AGMO: variants seen among roughly 807,000 people sequenced by gnomAD.
The protein encoded by AGMO is alkylglycerol monooxygenase.
A neutral mutation model predicts 60.2 loss-of-function variants in AGMO; 75 were observed. The observed-to-expected ratio is 1.25, with a 90% CI of 1.03 to 1.51. The LOEUF (loss-of-function observed/expected upper bound fraction) is 1.51, where lower values mean the gene tolerates loss of function less well. AGMO is among the 40% of genes most tolerant of loss of function. AGMO has a pLI of 0.00. For synonymous variants in AGMO, 261 were observed against 177.1 expected, an observed-to-expected ratio of 1.47 and a Z score of -3.76; for missense variants, 763 against 525.5, an observed-to-expected ratio of 1.45 and a Z score of -4.42.
chr7:15,202,840 G>A (rs949998816), intron 12 of AGMO, among the ~76,000 whole-genome samples: 2 of 152,050 alleles, frequency 1.3e-5, no homozygotes, highest in African/African-American at 4.8e-5. Context: ...ATAATACTGC[G>A]CTGGGGGGAG....
At chr7:15,486,844 A>T (rs1427078747) in intron 3 of AGMO, among the ~76,000 whole-genome samples, 1 of 152,228 alleles carries the variant, frequency 6.6e-6, no homozygotes, top group African/African-American at 2.4e-5. Context: ...TTTTGCGTTA[A>T]GTAGCTTGTT....
intron 12 of AGMO, among the ~76,000 whole-genome samples, chr7:15,222,498 T>TGAAAA (rs1781952000): frequency 6.6e-6 from 1 of 152,118 alleles, no homozygotes; most frequent in African/African-American, 2.4e-5. Flanking sequence ...AACATGTTTT[T>TGAAAA]CAATGTTAGT....
chr7:15,230,031 A>C (rs1005469549), intron 12 of AGMO, among the ~76,000 whole-genome samples: 1 of 151,890 alleles, frequency 6.6e-6, no homozygotes, highest in Non-Finnish European at 1.5e-5. Context: ...ATTTACATTA[A>C]TTTCTTATTT....
chr7:15,275,023 A>AT (rs1197785629), intron 12 of AGMO, among the ~76,000 whole-genome samples: 2 of 150,118 alleles, frequency 1.3e-5, no homozygotes, highest in South Asian at 2.1e-4. Flanking sequence ...CTTTTGTACC[A>AT]TTTTTTCAGT....
Position 15,270,596 on chromosome 7 carries a change from ATTTTTTTTTTTTTTTTTTTTT to A in AGMO, c.1264-69258_1264-69238del, listed in dbSNP as rs527463907. The stretch of plus-strand genomic sequence containing the variant: ...ATTAAACAAATTTAATCTGTTGATA[ATTTTTTTTTTTTTTTTTTTTT>A]TTTTTTTTTTTTTTTTTTTTGCTGT... On this transcript the variant is annotated intron_variant, in intron 12 of 12. Coordinates refer to ENST00000342526, the MANE Select transcript of AGMO (RefSeq NM_001004320.2). Among the ~76,000 whole-genome samples, 26 of 48,068 alleles carry A rather than the reference ATTTTTTTTTTTTTTTTTTTTT, an allele frequency of 5.4e-4. No homozygotes were observed. The South Asian group carries it at 0.012, about 22-fold the overall frequency. The allele number at this position is 48,068 out of a possible 152,430, so 31.5% of individuals were successfully genotyped here.
chr7:15,306,755 A>G (rs990775891), intron 12 of AGMO, among the ~76,000 whole-genome samples: 1 of 152,046 alleles, frequency 6.6e-6, no homozygotes, highest in African/African-American at 2.4e-5. Context: ...GCTGAGGAAT[A>G]TGTCCCTAAA....
chr7:15,453,017 G>C (rs1447597685), intron 3 of AGMO, among the ~76,000 whole-genome samples: 2 of 152,074 alleles, frequency 1.3e-5, no homozygotes, highest in African/African-American at 2.4e-5. Flanking sequence ...ATTCAAAATA[G>C]GCAACTCCAC....
chr7:15,154,349 G>A, the AGMO span, among the ~76,000 whole-genome samples: 1 of 152,072 alleles, frequency 6.6e-6, no homozygotes, highest in East Asian at 1.9e-4. Context: ...TTTCTACAAG[G>A]AAAACTCCAA....
intron 12 of AGMO, among the ~76,000 whole-genome samples, chr7:15,262,136 A>G (rs995724314): frequency 1.3e-5 from 2 of 152,070 alleles, no homozygotes; most frequent in African/African-American, 4.8e-5. Flanking sequence ...TTGCCAGAGC[A>G]ATCAGACAAG....
intron 12 of AGMO, among the ~76,000 whole-genome samples, chr7:15,260,887 G>A (rs1043255368): frequency 1.3e-4 from 19 of 151,714 alleles, no homozygotes; most frequent in Admixed American, 7.9e-4. Context: ...CAAATACATG[G>A]AAATTAAATA....
rs1782436845 is a variant in AGMO at position 15,470,940 on chromosome 7, T to A, written c.410-39832A>T. Among the ~76,000 whole-genome samples, 5 of 151,956 alleles carry A rather than the reference T, an allele frequency of 3.3e-5. No homozygotes were observed. In the South Asian group the frequency reaches 1.0e-3, roughly 31 times the overall value. ...ATATATCCATCATTTTAGCCCTAAG[T>A]TGTATAGTTTTTAAAAGCATAGCCA... On this transcript the variant is annotated intron_variant, in intron 3 of 12. Transcript: ENST00000342526.
intron 12 of AGMO, among the ~76,000 whole-genome samples, chr7:15,258,766 G>A (rs1003968241): frequency 3.1e-4 from 47 of 151,946 alleles, no homozygotes; most frequent in African/African-American, 1.1e-3. Context: ...CTAGACACTC[G>A]CCAGTACCAT....
intron 12 of AGMO, among the ~76,000 whole-genome samples, chr7:15,213,443 T>TA (rs974449011): frequency 2.0e-5 from 3 of 151,766 alleles, no homozygotes; most frequent in African/African-American, 4.8e-5. Context: ...AACACAATAT[T>TA]AAAAAAATAT....
intron 12 of AGMO, among the ~76,000 whole-genome samples, chr7:15,338,456 G>C (rs1781731369): frequency 9.8e-6 from 1 of 101,710 alleles, no homozygotes; most frequent in Non-Finnish European, 1.8e-5. Context: ...TTGGCATTGT[G>C]ATGCTCTGAT....
chr7:15,304,934 A>G (rs980987789), intron 12 of AGMO, among the ~76,000 whole-genome samples: 5 of 152,198 alleles, frequency 3.3e-5, no homozygotes, highest in East Asian at 1.9e-4. Context: ...CACACTGGAT[A>G]AAAATTTTCT....
chr7:15,473,658 A>T (rs1782514720), intron 3 of AGMO, among the ~76,000 whole-genome samples: 1 of 152,102 alleles, frequency 6.6e-6, no homozygotes, highest in South Asian at 2.1e-4. Flanking sequence ...GTACAAGACA[A>T]GGATGACCTC....
chr7:15,392,804 AAACAAACAAACAAAC>A (rs1784203179), intron 6 of AGMO, among the ~76,000 whole-genome samples: 3 of 124,668 alleles, frequency 2.4e-5, no homozygotes, highest in South Asian at 2.8e-4. Context: ...GTCTCAAAAC[AAACAAACAAACAAAC>A]AAACAAACAA....
At chr7:15,472,582 C>T (rs908914184) in intron 3 of AGMO, among the ~76,000 whole-genome samples, 1 of 151,850 alleles carries the variant, frequency 6.6e-6, no homozygotes, top group African/African-American at 2.4e-5. Context: ...AAAGAACACA[C>T]AGACGTGCTG....
At chr7:15,503,988 T>C (rs963148757) in intron 3 of AGMO, among the ~76,000 whole-genome samples, 2 of 152,062 alleles carry the variant, frequency 1.3e-5, no homozygotes, top group African/African-American at 4.8e-5. Context: ...AAAATCATTA[T>C]GTCTTGAATT....
Sources: allele counts gnomAD v4.1 joint callset (sites outside exome capture counted in the v4.1 genomes callset), GRCh38; gene constraint gnomAD v4.1.1; transcripts MANE v1.5; gene names NCBI Gene and HGNC (gene_info 2026-07-23, HGNC 2026-07-21).